ULK2: variants seen among roughly 807,000 people sequenced by gnomAD.
ULK2 encodes the protein unc-51 like autophagy activating kinase 2, also known as serine/threonine-protein kinase ULK2.
A neutral mutation model predicts 127.5 loss-of-function variants in ULK2; 76 were observed. That is an observed-to-expected ratio of 0.60 (90% CI 0.50 to 0.72). The LOEUF (loss-of-function observed/expected upper bound fraction) is 0.72, where lower values mean the gene tolerates loss of function less well. Among genes scored for constraint, ULK2 ranks in the 30% least tolerant of loss-of-function variants. ULK2 has a pLI of 0.00. For missense variants in ULK2, 1,144 were observed against 1,295.9 expected (o/e 0.88, Z 1.80); for synonymous variants, 452 against 461.9 (o/e 0.98, Z 0.28).
chr17:19,835,758 TA>T (rs35188206), intron 10 of ULK2, among the ~76,000 whole-genome samples: 7,642 of 143,496 alleles, frequency 0.053, 345 homozygotes, highest in East Asian at 0.24. Flanking sequence ...GAGCAATCAT[TA>T]AAAAAAAAAA....
intron 20 of ULK2, among the ~76,000 whole-genome samples, chr17:19,790,740 C>T (rs986977183): frequency 6.6e-6 from 1 of 151,970 alleles, no homozygotes; most frequent in Admixed American, 6.6e-5. Context: ...AAAAATAAGC[C>T]CCACCTATCT....
intron 26 of ULK2, among the ~76,000 whole-genome samples, chr17:19,777,303 C>T (rs1208678529): frequency 6.6e-6 from 1 of 152,216 alleles, no homozygotes; most frequent in African/African-American, 2.4e-5. Context: ...CGGGGTTTCG[C>T]TATGTTGGCC....
At chr17:19,833,474 C>T (rs954805429) in intron 10 of ULK2, among the ~76,000 whole-genome samples, 3 of 151,870 alleles carry the variant, frequency 2.0e-5, no homozygotes, top group African/African-American at 4.8e-5. Context: ...TTTAGGAGGC[C>T]GAGGTGGGTG....
chr17:19,821,462 G>A (rs184921666), intron 12 of ULK2, among the ~76,000 whole-genome samples: 2 of 152,088 alleles, frequency 1.3e-5, no homozygotes, highest in African/African-American at 4.8e-5. Context: ...GAATAAAATA[G>A]CAGCTAGATA....
chr17:19,780,369 G>A, intron 25 of ULK2, 103 bp downstream of exon 25: 2 of 1,105,840 alleles, frequency 1.8e-6, no homozygotes, highest in Non-Finnish European at 2.5e-6. Flanking sequence ...CTTGGGACTT[G>A]AGACATTATC....
rs1039138048 is a variant in ULK2 at position 19,773,220 on chromosome 17, T to C, written c.*3129A>G. 2 of 152,226 alleles carry C rather than the reference T, an allele frequency of 1.3e-5. No homozygotes were observed. The highest frequency in any genetic ancestry group is 4.8e-5 in the African/African-American group (2 of 41,442). The allele number at this position is 152,226 out of a possible 1,614,324, so 9.4% of individuals were successfully genotyped here. On this transcript the variant is annotated 3_prime_UTR_variant, in exon 27 of 27. Coordinates refer to ENST00000395544, the MANE Select transcript of ULK2 (RefSeq NM_014683.4). ...TGAACCTGGGAGGCAGAGGTTGCAG[T>C]GAGCCAAGATTGCGCCAATGCACTC...
intron 10 of ULK2, 99 bp from the exon 11 acceptor site, chr17:19,826,285 T>A: frequency 1.5e-6 from 1 of 674,012 alleles, no homozygotes; most frequent in Non-Finnish European, 2.3e-6. Flanking sequence ...GTCTTTGAGA[T>A]CAGAATTTAA....
chr17:19,784,039 T>C (rs2086976453), intron 21 of ULK2, 134 bp from the exon 22 acceptor site: 6 of 611,658 alleles, frequency 9.8e-6, no homozygotes, highest in Non-Finnish European at 1.4e-5. Context: ...TGACCCCCTA[T>C]GTACTATTTG....
At chr17:19,802,257 CA>C (rs2087416382) in intron 15 of ULK2, among the ~76,000 whole-genome samples, 1 of 152,158 alleles carries the variant, frequency 6.6e-6, no homozygotes, top group South Asian at 2.1e-4. Context: ...TGATATATTA[CA>C]TATCAATCAT....
intron 18 of ULK2, among the ~76,000 whole-genome samples, chr17:19,797,167 C>T (rs1274598390): frequency 1.3e-5 from 2 of 152,026 alleles, no homozygotes; most frequent in African/African-American, 4.8e-5. Flanking sequence ...CATGGTGGCA[C>T]ATGCCTGTAA....
Position 19,810,445 on chromosome 17 carries a change from G to A in ULK2, c.1097-7C>T, listed in dbSNP as rs184339616. On this transcript the variant is annotated splice_polypyrimidine_tract_variant and splice_region_variant and intron_variant, in intron 13 of 26. Transcript: ENST00000395544. ...GTCCCCACTGGCATATCACCTAAAG[G>A]AGAGAAAAGAACAATCAGTTCCTGT... 9.2e-4 allele frequency: 1,452 copies of A among 1,580,182 alleles called. 11 individuals carry two copies. In the African/African-American group the frequency reaches 0.018, roughly 19 times the overall value.
At chr17:19,806,093 C>A (rs1043035435) in intron 14 of ULK2, among the ~76,000 whole-genome samples, 4 of 152,154 alleles carry the variant, frequency 2.6e-5, no homozygotes, top group South Asian at 2.1e-4. Context: ...AAAACACAAA[C>A]CCTCTACTAC....
chr17:19,778,934 T>C (rs1260366062), intron 25 of ULK2, among the ~76,000 whole-genome samples: 1 of 152,204 alleles, frequency 6.6e-6, no homozygotes, highest in Non-Finnish European at 1.5e-5. Context: ...CTCTTTATTC[T>C]GAGAAGGAAA....
intron 20 of ULK2, among the ~76,000 whole-genome samples, chr17:19,794,869 G>A (rs1028349830): frequency 3.3e-5 from 5 of 152,080 alleles, no homozygotes; most frequent in Admixed American, 2.6e-4. Context: ...ACGAGGTCAG[G>A]AGATCGAGAC....
chr17:19,864,633 A>G (rs1306148329), intron 3 of ULK2, among the ~76,000 whole-genome samples, 170 bp downstream of exon 3: 1 of 152,172 alleles, frequency 6.6e-6, no homozygotes, highest in African/African-American at 2.4e-5. Context: ...CTTTCAGCCT[A>G]TTACTCTGTT....
At chr17:19,860,402 T>C (rs532014086) in intron 3 of ULK2, among the ~76,000 whole-genome samples, 4 of 152,336 alleles carry the variant, frequency 2.6e-5, no homozygotes, top group Non-Finnish European at 5.9e-5. Flanking sequence ...TGATAGTTAC[T>C]GTATTAATTC....
chr17:19,833,141 A>G (rs1187784925), intron 10 of ULK2, among the ~76,000 whole-genome samples: 2 of 151,684 alleles, frequency 1.3e-5, no homozygotes, highest in Admixed American at 1.3e-4. Flanking sequence ...AAAAAAAAAA[A>G]AAAAAAAAAC....
chr17:19,780,511 C>G lies in ULK2; in HGVS notation c.2877G>C (p.Val959=). 1 of 1,613,436 alleles carries G rather than the reference C, an allele frequency of 6.2e-7. No homozygotes were observed. Among genetic ancestry groups the G allele is most frequent in the East Asian group, 2.2e-5 (1 of 44,816 alleles). Residue 959 remains valine, a synonymous_variant, in exon 25 of 27, where the codon GTG becomes GTC. Transcript: ENST00000395544. The part of the protein sequence containing the change: ...KQRFIDEINS[V]TAEKLIYNCA... ...AATTATAGATGAGTTTCTCTGCAGT[C>G]ACACTGTTGATTTCATCAATAAACC...
intron 3 of ULK2, among the ~76,000 whole-genome samples, chr17:19,850,694 G>A (rs1230029028): frequency 4.6e-5 from 7 of 151,800 alleles, no homozygotes; most frequent in South Asian, 2.1e-4. Flanking sequence ...GCGTGGTGGC[G>A]GGCACCTGTA....
Sources: gnomAD v4.1 joint callset for allele counts (sites outside exome capture counted in the v4.1 genomes callset) on GRCh38, gnomAD v4.1.1 for gene constraint, MANE v1.5 for transcripts, NCBI Gene and HGNC (gene_info 2026-07-23, HGNC 2026-07-21) for gene names.